Variants in SRP19 observed in about 807,000 individuals in gnomAD.
The protein encoded by SRP19 is signal recognition particle 19 kDa protein.
In SRP19, 11 loss-of-function variants were observed where a neutral mutation model predicts 22.4. That is an observed-to-expected ratio of 0.49 (90% CI 0.31 to 0.81). The LOEUF (loss-of-function observed/expected upper bound fraction) is 0.81, where lower values mean the gene tolerates loss of function less well. Ranked by LOEUF, SRP19 falls within the 40% of genes least tolerant of loss-of-function variation. The probability of loss-of-function intolerance (pLI) is 0.05; values close to 1 mark genes in which losing one functional copy is unlikely to be tolerated. For synonymous variants in SRP19, 61 were observed against 57.6 expected, an observed-to-expected ratio of 1.06 and a Z score of -0.27; for missense variants, 168 against 175.9, an observed-to-expected ratio of 0.96 and a Z score of 0.25.
chr5:112,865,753 C>G (rs78392760), intron 4 of SRP19, among the ~76,000 whole-genome samples: 7,871 of 152,144 alleles, frequency 0.052, 494 homozygotes, highest in East Asian at 0.16. Context: ...GCCATCACAC[C>G]CAGCTAACTT....
chr5:112,867,305 C>G (rs567035753), intron 4 of SRP19, 99 bp from the exon 5 acceptor site: 2 of 1,377,784 alleles, frequency 1.5e-6, no homozygotes, highest in African/African-American at 1.4e-5. Flanking sequence ...TTTCCATTTT[C>G]TTGATGTGAT....
At chr5:112,893,304 G>T (rs1463631028), downstream of SRP19, 9 of 238,276 alleles carry the variant, frequency 3.8e-5, no homozygotes, top group African/African-American at 2.1e-4. Context: ...AAGCTACTTG[G>T]GAAGCTGAGG....
In SRP19 at chr5:112,861,339, C is replaced by G. The variant is rs551007326; in HGVS notation, c.-38C>G. On this transcript the variant is annotated 5_prime_UTR_variant, in exon 1 of 5. Coordinates refer to ENST00000505459, the MANE Select transcript of SRP19 (RefSeq NM_003135.3). Reference sequence around the variant, plus strand: ...TTCCTCCCGGGTTTCTGCCGGGTTTCTCCCTGCGGCTCCTGGGTTGTTGAG... The same window carrying G: ...TTCCTCCCGGGTTTCTGCCGGGTTTGTCCCTGCGGCTCCTGGGTTGTTGAG... 4.3e-6 allele frequency: 7 copies of G among 1,613,832 alleles called. No individual in the cohort carries two copies. The highest frequency in any genetic ancestry group is 1.3e-5 in the African/African-American group (1 of 75,056).
At chr5:112,892,201 T>G in exon 5 of SRP19, 1 of 1,614,160 alleles carries the variant, frequency 6.2e-7, no homozygotes, top group Non-Finnish European at 8.5e-7. Context: ...AGCTTGCAGA[T>G]TTGGAGACAG....
chr5:112,893,756 C>A (rs1240047252), downstream of SRP19: 2 of 152,274 alleles, frequency 1.3e-5, no homozygotes, highest in Non-Finnish European at 2.9e-5. Flanking sequence ...CAATGGTAGA[C>A]TAAGACCTTC....
chr5:112,865,275 A>G (rs939673404), intron 4 of SRP19: 1 of 152,320 alleles, frequency 6.6e-6, no homozygotes, highest in Non-Finnish European at 1.5e-5. Context: ...ACTCATTCTT[A>G]AGAGAGTAGT....
At chr5:112,872,029 T>G (rs1339317363), downstream of SRP19, among the ~76,000 whole-genome samples, 2 of 152,220 alleles carry the variant, frequency 1.3e-5, no homozygotes, top group African/African-American at 4.8e-5. Context: ...ATAGTGTGTT[T>G]CTGTTTTAGG....
In SRP19 at chr5:112,861,373, G is replaced by A; in HGVS notation, c.-4G>A. On this transcript the variant is annotated 5_prime_UTR_variant, in exon 1 of 5. Coordinates refer to ENST00000505459, the MANE Select transcript of SRP19 (RefSeq NM_003135.3). ...GCTCCTGGGTTGTTGAGACTCTTGT[G>A]AAGATGGCTTGCGCTGCCGCGCGGT... is the stretch of plus-strand genomic sequence containing the variant. 1 of 1,614,212 alleles carries A rather than the reference G, an allele frequency of 6.2e-7. No individual in the cohort carries two copies. Among genetic ancestry groups the A allele is most frequent in the South Asian group, 1.1e-5 (1 of 91,086 alleles).
chr5:112,861,481 A>C (rs999654626), intron 1 of SRP19, 64 bp downstream of exon 1: 13 of 1,554,674 alleles, frequency 8.4e-6, no homozygotes, highest in Non-Finnish European at 1.1e-5. Context: ...CAGGTGCTAC[A>C]CCGCGCTTCT....
At chr5:112,865,983 A>G (rs1767590929) in intron 4 of SRP19, among the ~76,000 whole-genome samples, 1 of 152,128 alleles carries the variant, frequency 6.6e-6, no homozygotes, top group Non-Finnish European at 1.5e-5. Flanking sequence ...GGAGATCCCA[A>G]AATGCTGAGA....
At chr5:112,879,273 G>A (rs919565508) in intron 4 of SRP19, among the ~76,000 whole-genome samples, 6 of 131,714 alleles carry the variant, frequency 4.6e-5, no homozygotes, top group Non-Finnish European at 9.3e-5. Context: ...ACAAATCAGA[G>A]AAGTCCTCAT....
chr5:112,886,116 T>C (rs1238785894), intron 4 of SRP19, among the ~76,000 whole-genome samples: 3 of 152,220 alleles, frequency 2.0e-5, no homozygotes, highest in Admixed American at 1.3e-4. Flanking sequence ...AGTGATCCAA[T>C]ACTGTTGCTC....
downstream of SRP19, among the ~76,000 whole-genome samples, chr5:112,871,460 A>AT (rs950767943): frequency 3.3e-5 from 5 of 151,040 alleles, no homozygotes; most frequent in African/African-American, 7.3e-5. Context: ...AATTAAAAAA[A>AT]TTTTTTTTTA....
rs375815815 is a variant in SRP19, at chr5:112,862,603, C to G, written c.117+20C>G. ...AGTAAGGTAAGCAAGATGGCTGGCA[C>G]CTTGATCCTCGAGGGAATGGGGGGT... On this transcript the variant is annotated intron_variant, in intron 2 of 4. Transcript: ENST00000505459. 6 of 1,609,486 alleles carry G rather than the reference C, an allele frequency of 3.7e-6. No individual in the cohort carries two copies. The Admixed American group carries it at 5.0e-5, about 13-fold the overall frequency.
chr5:112,868,061 C>T lies in SRP19; in HGVS notation c.*524C>T, dbSNP rs534123249. The T allele has an allele frequency of 1.6e-4, 153 of 985,418 alleles. No homozygotes were observed. The highest frequency in any genetic ancestry group is 1.8e-4 in the Non-Finnish European group (150 of 829,972). The allele number at this position is 985,418 out of a possible 1,614,324, so 61.0% of individuals were successfully genotyped here. On this transcript the variant is annotated 3_prime_UTR_variant, in exon 5 of 5. Transcript: ENST00000505459. ...GGGGACAGGGGAGTCTGTAAAAAGC[C>T]AGTCTGTAGATGATATTTTAATATA...
chr5:112,887,359 A>AT (rs1454823722), intron 4 of SRP19, among the ~76,000 whole-genome samples: 5 of 152,332 alleles, frequency 3.3e-5, no homozygotes, highest in Non-Finnish European at 7.4e-5. Flanking sequence ...AAAAAACATG[A>AT]TGAGTAATGA....
chr5:112,875,620 G>A (rs1313447107), intron 4 of SRP19, among the ~76,000 whole-genome samples: 1 of 151,978 alleles, frequency 6.6e-6, no homozygotes, highest in Non-Finnish European at 1.5e-5. Flanking sequence ...CGCCCACCTC[G>A]GCTTCCCAAA....
chr5:112,867,669 C>G lies in SRP19; in HGVS notation c.*132C>G. The G allele has an allele frequency of 7.3e-7, 1 of 1,368,934 alleles. No homozygotes were observed. The highest frequency in any genetic ancestry group is 9.5e-7 in the Non-Finnish European group (1 of 1,056,418). 84.8% of individuals were successfully genotyped at this position (1,368,934 alleles called of 1,614,324 possible). On this transcript the variant is annotated 3_prime_UTR_variant, in exon 5 of 5. Coordinates refer to ENST00000505459, the MANE Select transcript of SRP19 (RefSeq NM_003135.3). ...AACTGTGAACCCTTGTGCCTCTCAT[C>G]TTTATCATCGGAGTTGACAGTGAAA...
chr5:112,887,249 C>T (rs1036478504), intron 4 of SRP19: 2 of 1,369,078 alleles, frequency 1.5e-6, no homozygotes, highest in African/African-American at 2.8e-5. Flanking sequence ...AGAATACACA[C>T]TGTCTTTCAC....
Sources: allele counts gnomAD v4.1 joint callset (sites outside exome capture counted in the v4.1 genomes callset), GRCh38; gene constraint gnomAD v4.1.1; transcripts MANE v1.5; gene names NCBI Gene and HGNC (gene_info 2026-07-23, HGNC 2026-07-21).